ZNF438: variants seen among roughly 807,000 people sequenced by gnomAD.
ZNF438 encodes zinc finger protein 438.
Under a neutral mutation model 38.0 loss-of-function variants are expected in ZNF438, and 25 were observed. That is an observed-to-expected ratio of 0.66 (90% confidence interval 0.48 to 0.92). The LOEUF (loss-of-function observed/expected upper bound fraction) is 0.92. ZNF438 is among the 40% of genes least tolerant of loss of function. The pLI is 0.00. For missense variants in ZNF438, 1,007 were observed against 999.6 expected, an observed-to-expected ratio of 1.01 and a Z score of -0.10; for synonymous variants, 372 against 364.1, an observed-to-expected ratio of 1.02 and a Z score of -0.25.
chr10:30,858,581 G>T (rs1252943731), intron 4 of ZNF438, among the ~76,000 whole-genome samples: 1 of 152,212 alleles, frequency 6.6e-6, no homozygotes, highest in African/African-American at 2.4e-5. Context: ...AGGCACAAGT[G>T]TTCTTTTGTT....
At chr10:30,976,740 TA>T (rs11358833) in intron 1 of ZNF438, among the ~76,000 whole-genome samples, 102,842 of 143,844 alleles carry the variant, frequency 0.71, 36,268 homozygotes, top group African/African-American at 0.76. Context: ...CTTTATTTAA[TA>T]AAAAAAAAAA....
Position 30,959,905 on chromosome 10 carries a change from A to G in ZNF438, c.-191-18254T>C, listed in dbSNP as rs1399933712. 6.8e-5 allele frequency among the ~76,000 whole-genome samples: 10 copies of G among 147,444 alleles called. 1 individual carries two copies. The highest frequency in any genetic ancestry group is 1.5e-4 in the African/African-American group (6 of 41,172). On this transcript the variant is annotated intron_variant, in intron 1 of 5. Coordinates refer to ENST00000413025, the Ensembl canonical transcript of ZNF438. ...TTTACATTCCTACCAACAATGTATA[A>G]TATGAGAGTTCCTGTTTCTCCACAT... is the stretch of plus-strand genomic sequence containing the variant.
At chr10:30,874,189 T>C (rs7915192) in intron 4 of ZNF438, among the ~76,000 whole-genome samples, 64,688 of 144,478 alleles carry the variant, frequency 0.45, 15,173 homozygotes, top group African/African-American at 0.56. Flanking sequence ...TGTTCTGTTG[T>C]CCAGGCTGGA....
intron 1 of ZNF438, among the ~76,000 whole-genome samples, chr10:31,009,991 G>A (rs2133051856): frequency 6.6e-6 from 1 of 152,046 alleles, no homozygotes; most frequent in East Asian, 1.9e-4. Context: ...TGGGATTACA[G>A]GTGCCTGCCA....
chr10:30,908,829 G>A (rs898712826), intron 3 of ZNF438, 104 bp downstream of exon 4: 6 of 152,154 alleles, frequency 3.9e-5, no homozygotes, highest in Admixed American at 3.9e-4. Flanking sequence ...AATCTACTCT[G>A]TGAAGTAGTA....
chr10:30,973,194 C>T (rs2136261255), intron 1 of ZNF438, among the ~76,000 whole-genome samples: 1 of 152,320 alleles, frequency 6.6e-6, no homozygotes, highest in Admixed American at 6.5e-5. Flanking sequence ...TCTCAGAACA[C>T]AGTCAATCCC....
At chr10:30,973,093 G>GT (rs2050926075) in intron 1 of ZNF438, among the ~76,000 whole-genome samples, 1 of 152,008 alleles carries the variant, frequency 6.6e-6, no homozygotes, top group South Asian at 2.1e-4. Flanking sequence ...ATACAATAAT[G>GT]TTTCCTCCAG....
chr10:31,011,782 A>G (rs951096450), intron 1 of ZNF438, among the ~76,000 whole-genome samples: 1 of 152,218 alleles, frequency 6.6e-6, no homozygotes, highest in Non-Finnish European at 1.5e-5. Context: ...ACTCTCCAAA[A>G]AGCAGCCAGT....
At chr10:30,865,468 A>C (rs993859634) in intron 4 of ZNF438, among the ~76,000 whole-genome samples, 3 of 152,244 alleles carry the variant, frequency 2.0e-5, no homozygotes, top group Admixed American at 2.0e-4. Flanking sequence ...AAAAATGACA[A>C]AGGTCTTTTA....
intron 4 of ZNF438, among the ~76,000 whole-genome samples, chr10:30,874,101 G>A (rs1273365090): frequency 6.6e-5 from 1 of 15,204 alleles, no homozygotes; most frequent in Non-Finnish European, 1.4e-4. Flanking sequence ...TGGGTGTGTG[G>A]GGGTGTGTGT....
chr10:30,868,346 C>G (rs531107237), intron 4 of ZNF438, among the ~76,000 whole-genome samples: 3 of 152,176 alleles, frequency 2.0e-5, no homozygotes, highest in African/African-American at 7.2e-5. Flanking sequence ...GCTGGGATTA[C>G]AGGTGTGAAC....
chr10:30,926,944 A>G (rs531728397), intron 2 of ZNF438, among the ~76,000 whole-genome samples: 1 of 152,328 alleles, frequency 6.6e-6, no homozygotes, highest in East Asian at 1.9e-4. Context: ...TGGCCATACA[A>G]GAGTCTCCGG....
chr10:30,925,592 G>C (rs2044820913), intron 2 of ZNF438, among the ~76,000 whole-genome samples: 1 of 152,206 alleles, frequency 6.6e-6, no homozygotes, highest in Non-Finnish European at 1.5e-5. Context: ...ACTGGGAAGT[G>C]GTTGCCCAGT....
At chr10:30,962,497 CA>C (rs2136056370) in intron 1 of ZNF438, among the ~76,000 whole-genome samples, 1 of 147,376 alleles carries the variant, frequency 6.8e-6, no homozygotes, top group South Asian at 2.2e-4. Context: ...GGAAGAAAGA[CA>C]GGGGGTGGGT....
At chr10:30,992,728 A>T (rs920399654) in intron 1 of ZNF438, among the ~76,000 whole-genome samples, 1 of 152,192 alleles carries the variant, frequency 6.6e-6, no homozygotes, top group African/African-American at 2.4e-5. Flanking sequence ...CTTCTTAGAG[A>T]TTACTTAAGT....
intron 3 of ZNF438, among the ~76,000 whole-genome samples, chr10:30,888,070 T>C (rs906943842): frequency 6.6e-6 from 1 of 152,308 alleles, no homozygotes; most frequent in East Asian, 1.9e-4. Context: ...TTGGTTATCA[T>C]GAATTAATAT....
chr10:30,916,702 T>C (rs2043678299), intron 2 of ZNF438, among the ~76,000 whole-genome samples: 1 of 152,100 alleles, frequency 6.6e-6, no homozygotes, highest in Non-Finnish European at 1.5e-5. Context: ...TGTTTGAATG[T>C]GGCACAATTT....
At chr10:30,969,738 T>G (rs2050538373) in intron 1 of ZNF438, among the ~76,000 whole-genome samples, 1 of 152,136 alleles carries the variant, frequency 6.6e-6, no homozygotes, top group African/African-American at 2.4e-5. Flanking sequence ...TTCCATCCTA[T>G]TAAACATAAA....
At chr10:31,025,685 G>C (rs1403618025) in intron 1 of ZNF438, among the ~76,000 whole-genome samples, 2 of 151,974 alleles carry the variant, frequency 1.3e-5, no homozygotes, top group East Asian at 3.9e-4. Context: ...TGTTCTTTTG[G>C]GGTTAAAACT....
Sources: gnomAD v4.1 joint callset for allele counts (sites outside exome capture counted in the v4.1 genomes callset) on GRCh38, gnomAD v4.1.1 for gene constraint, MANE v1.5 for transcripts, NCBI Gene and HGNC (gene_info 2026-07-23, HGNC 2026-07-21) for gene names.